Variants in CDK5RAP2 observed in about 807,000 individuals in gnomAD.
CDK5RAP2 encodes CDK5 regulatory subunit associated protein 2, also known as CDK5 regulatory subunit-associated protein 2.
In CDK5RAP2, 147 loss-of-function variants were observed where a neutral mutation model predicts 232.9. That is an observed-to-expected ratio of 0.63 (90% CI 0.55 to 0.72). CDK5RAP2 has a LOEUF of 0.72. CDK5RAP2 is among the 30% of genes least tolerant of loss of function. CDK5RAP2 has a pLI of 0.00. For missense variants in CDK5RAP2, 2,195 were observed against 2,231.5 expected (o/e 0.98, Z 0.33); for synonymous variants, 833 against 833.7 (o/e 1.00, Z 0.01).
In CDK5RAP2 at chr9:120,525,044, C is replaced by A. The variant is rs773107024; in HGVS notation, c.1034G>T (p.Ser345Ile). The A allele has an allele frequency of 2.5e-6, 4 of 1,614,094 alleles. No individual in the cohort carries two copies. The highest frequency in any genetic ancestry group is 2.5e-6 in the Non-Finnish European group (3 of 1,179,948). ...EELNSEIEKL[S>I]AAFAKAREAL... is the part of the protein sequence containing the mutation. ...CTCTCTGGCTTTAGCAAAGGCAGCACTGAGCTTTTCAATTTCAGAGTTAAG... is the reference window on the plus strand; with the variant it reads ...CTCTCTGGCTTTAGCAAAGGCAGCAATGAGCTTTTCAATTTCAGAGTTAAG... The change falls in exon 11 of 38, where the codon AGT becomes ATT. Residue 345 changes from serine to isoleucine, a missense_variant. Transcript: ENST00000349780.
Position 120,389,367 on chromosome 9 carries a change from A to T in CDK5RAP2, c.5626-75T>A. 2.6e-6 allele frequency: 3 copies of T among 1,148,568 alleles called. No individual in the cohort carries two copies. The South Asian group carries it at 3.9e-5, about 15-fold the overall frequency. 71.1% of individuals were successfully genotyped at this position (1,148,568 alleles called of 1,614,324 possible). On this transcript the variant is annotated intron_variant, in intron 37 of 37. Coordinates refer to ENST00000349780, the MANE Select transcript of CDK5RAP2 (RefSeq NM_018249.6). ...CTGAAGTAAGACCCCGACAGAGGTG[A>T]AAGCGAGACTGTTATTCTCAAAGTG...
rs186570732 is a variant in CDK5RAP2 at position 120,415,229 on chromosome 9, C to G, written c.4178-70G>C. The G allele has an allele frequency of 1.9e-5, 30 of 1,556,746 alleles. No homozygotes were observed. In the African/African-American group the frequency reaches 3.4e-4, roughly 18 times the overall value. On this transcript the variant is annotated intron_variant, in intron 27 of 37. Coordinates refer to ENST00000349780, the MANE Select transcript of CDK5RAP2 (RefSeq NM_018249.6). ...CAAATTGAATAATTTATGGATTATG[C>G]AGGGATCCTGAAATTCCAAACAGTA...
At chr9:120,399,359 G>A (rs1023466327) in intron 35 of CDK5RAP2, among the ~76,000 whole-genome samples, 1 of 151,728 alleles carries the variant, frequency 6.6e-6, no homozygotes, top group African/African-American at 2.4e-5. Context: ...CACTACTTTG[G>A]GTGTATAGAA....
At chr9:120,460,449 C>T in intron 19 of CDK5RAP2, 123 bp downstream of exon 19, 4 of 874,564 alleles carry the variant, frequency 4.6e-6, no homozygotes, top group Non-Finnish European at 7.5e-6. Context: ...TCCACTGGCA[C>T]ATGAAAGGTA....
At chr9:120,525,403 A>G (rs1016578622) in intron 10 of CDK5RAP2, among the ~76,000 whole-genome samples, 1 of 152,188 alleles carries the variant, frequency 6.6e-6, no homozygotes, top group Non-Finnish European at 1.5e-5. Flanking sequence ...ATTACTGTCC[A>G]TATAGATGAC....
intron 12 of CDK5RAP2, among the ~76,000 whole-genome samples, chr9:120,506,646 C>T (rs1431896486): frequency 6.6e-6 from 1 of 152,112 alleles, no homozygotes; most frequent in Non-Finnish European, 1.5e-5. Context: ...TGATTCCAAC[C>T]CTCATGGATG....
At chr9:120,455,500 G>A (rs2036718865) in intron 20 of CDK5RAP2, among the ~76,000 whole-genome samples, 2 of 152,086 alleles carry the variant, frequency 1.3e-5, no homozygotes. Context: ...TAGCACTTTG[G>A]GAGGCCAGGG....
chr9:120,572,831 A>G (rs974698109), intron 1 of CDK5RAP2, among the ~76,000 whole-genome samples: 1 of 152,238 alleles, frequency 6.6e-6, no homozygotes, highest in Non-Finnish European at 1.5e-5. Context: ...TGGGAGCAAA[A>G]TATCATGTCG....
rs796960512 is a variant in CDK5RAP2 at position 120,528,819 on chromosome 9, T to C, written c.826-22A>G. ...CAGCCTAAGAAAAGGCATTAATTGG[T>C]GTGAAGAAGGGACGTGCAATCCAAC... On this transcript the variant is annotated intron_variant, in intron 8 of 37. Coordinates refer to ENST00000349780, the MANE Select transcript of CDK5RAP2 (RefSeq NM_018249.6). 6.9e-6 allele frequency: 11 copies of C among 1,586,024 alleles called. No individual in the cohort carries two copies. The African/African-American group carries it at 8.0e-5, about 12-fold the overall frequency.
At chr9:120,555,143 G>GA (rs1157649377) in intron 3 of CDK5RAP2, among the ~76,000 whole-genome samples, 56 of 149,716 alleles carry the variant, frequency 3.7e-4, no homozygotes, top group African/African-American at 1.3e-3. Context: ...TTTGGGGGGG[G>GA]GTGGGGGGCG....
rs2041406778 is a variant in CDK5RAP2, at chr9:120,536,685, T to C, written c.508-159A>G. 32 of 777,760 alleles carry C rather than the reference T, an allele frequency of 4.1e-5. No individual in the cohort carries two copies. The South Asian group carries it at 4.7e-4, about 11-fold the overall frequency. 48.2% of individuals were successfully genotyped at this position (777,760 alleles called of 1,614,324 possible). ...ATGGAGAGAATCAGTAATAAATACA[T>C]TTGCCAGCCATTTTTCCCTCTTGTA... On this transcript the variant is annotated intron_variant, in intron 6 of 37. Transcript: ENST00000349780.
At chr9:120,493,857 C>T (rs1010928123) in intron 12 of CDK5RAP2, among the ~76,000 whole-genome samples, 1 of 152,016 alleles carries the variant, frequency 6.6e-6, no homozygotes, top group African/African-American at 2.4e-5. Flanking sequence ...TTTGGGAGAC[C>T]GAGGCAGGCA....
chr9:120,485,160 T>C (rs2038528940), intron 14 of CDK5RAP2, among the ~76,000 whole-genome samples: 1 of 152,152 alleles, frequency 6.6e-6, no homozygotes, highest in Non-Finnish European at 1.5e-5. Context: ...GCTAGTAACT[T>C]TACATTTGTG....
intron 32 of CDK5RAP2, 108 bp downstream of exon 32, chr9:120,406,904 A>T: frequency 1.2e-6 from 1 of 839,686 alleles, no homozygotes; most frequent in East Asian, 2.4e-5. Flanking sequence ...GTCAGCTATC[A>T]ATGGAAAGAC....
chr9:120,458,376 A>C, intron 20 of CDK5RAP2, 74 bp downstream of exon 20: 1 of 1,432,086 alleles, frequency 7.0e-7, no homozygotes, highest in Non-Finnish European at 9.8e-7. Flanking sequence ...CGATCATCTA[A>C]ACCCATTTAG....
At chr9:120,521,651 T>TC (rs920315804) in intron 11 of CDK5RAP2, among the ~76,000 whole-genome samples, 1 of 145,238 alleles carries the variant, frequency 6.9e-6, no homozygotes, top group Non-Finnish European at 1.5e-5. Flanking sequence ...TTTCTTTTTT[T>TC]TTTTTTTTTT....
At position 120,531,960 on chromosome 9, in the gene CDK5RAP2, A is replaced by G. The variant is rs539566057; in HGVS notation, c.663-1820T>C. Among the ~76,000 whole-genome samples the G allele has an allele frequency of 7.4e-4, 113 of 152,346 alleles. 1 individual carries two copies. In the South Asian group the frequency reaches 0.021, roughly 28 times the overall value. ...AGTCACCGAACTATATACACTTAAA[A>G]TTGAAGCACTGTGTTGTATGTAATT... On this transcript the variant is annotated intron_variant, in intron 7 of 37. Coordinates refer to ENST00000349780, the MANE Select transcript of CDK5RAP2 (RefSeq NM_018249.6).
chr9:120,519,439 T>C (rs923759559), intron 11 of CDK5RAP2, among the ~76,000 whole-genome samples: 9 of 151,002 alleles, frequency 6.0e-5, no homozygotes, highest in African/African-American at 2.4e-5. Context: ...AAAATAAAAA[T>C]AAAACCAAAA....
intron 3 of CDK5RAP2, among the ~76,000 whole-genome samples, chr9:120,559,202 A>AT (rs1398011611): frequency 1.3e-5 from 2 of 152,180 alleles, no homozygotes; most frequent in African/African-American, 2.4e-5. Context: ...AATTTAAAAC[A>AT]TTGAGGCCGG....
Sources: gnomAD v4.1 joint callset for allele counts (sites outside exome capture counted in the v4.1 genomes callset) on GRCh38, gnomAD v4.1.1 for gene constraint, MANE v1.5 for transcripts, NCBI Gene and HGNC (gene_info 2026-07-23, HGNC 2026-07-21) for gene names.